Variants in MMUT observed in about 807,000 individuals in gnomAD.
MMUT encodes the protein methylmalonyl-CoA mutase.
MMUT carries 79 observed loss-of-function variants against 79.9 expected under a neutral mutation model. That is an observed-to-expected ratio of 0.99 (90% confidence interval 0.82 to 1.19). MMUT has a LOEUF of 1.19. Among genes scored for constraint, MMUT ranks in the 50% most tolerant of loss-of-function variants. MMUT has a pLI of 0.00. For synonymous variants in MMUT, 273 were observed against 295.7 expected (o/e 0.92, Z 0.79); for missense variants, 860 against 917.2 (o/e 0.94, Z 0.81).
At chr6:49,460,890 T>C (rs1373281850) in intron 1 of MMUT, among the ~76,000 whole-genome samples, 1 of 152,200 alleles carries the variant, frequency 6.6e-6, no homozygotes, top group Non-Finnish European at 1.5e-5. Context: ...TTTAACTACT[T>C]TGGAAAGTAA....
intron 10 of MMUT, among the ~76,000 whole-genome samples, chr6:49,441,283 G>A (rs923707615): frequency 1.3e-5 from 2 of 152,036 alleles, no homozygotes; most frequent in Admixed American, 1.3e-4. Context: ...AATACTGATT[G>A]TAATGTATGC....
At chr6:49,445,785 G>A (rs1395722772) in intron 8 of MMUT, among the ~76,000 whole-genome samples, 3 of 151,742 alleles carry the variant, frequency 2.0e-5, no homozygotes, top group African/African-American at 4.8e-5. Flanking sequence ...TAAATCTATA[G>A]ATGTGGAACC....
Position 49,431,740 on chromosome 6 carries a change from C to T in MMUT, c.2241G>A (p.Gln747=), listed in dbSNP as rs1417030045. The T allele has an allele frequency of 5.0e-6, 8 of 1,613,618 alleles. No individual in the cohort carries two copies. Among genetic ancestry groups the T allele is most frequent in the Admixed American group, 1.7e-5 (1 of 59,984 alleles). The change falls in exon 13 of 13, where the codon CAG becomes CAA. Residue 747 remains glutamine (Q), a synonymous_variant. Transcript: ENST00000274813. ...DDIEKCLEKK[Q]QSV ...CAAAAAGAGGATATTATACAGATTG[C>T]TGCTTCTTTTCCAAACACTTCTCAA...
intron 11 of MMUT, among the ~76,000 whole-genome samples, chr6:49,437,030 C>A (rs763596125): frequency 5.9e-5 from 9 of 151,980 alleles, no homozygotes; most frequent in Non-Finnish European, 8.8e-5. Flanking sequence ...TATAACAAAT[C>A]TACACATGTA....
intron 12 of MMUT, among the ~76,000 whole-genome samples, chr6:49,434,228 C>T (rs1767064328): frequency 1.3e-5 from 2 of 151,982 alleles, no homozygotes. Flanking sequence ...CAAATAATGA[C>T]CTATTTTATG....
In MMUT at chr6:49,440,213, A is replaced by G; in HGVS notation, c.1949T>C (p.Leu650Pro). ...CCCAACAGTTTTTAGTACCTGGAAA[A>G]GAGGGCCTATGTCCACATCAAAACC... is the stretch of plus-strand genomic sequence containing the variant. ...DLGFDVDIGPLFQTPREVAQQ... is the reference protein window; with the variant it reads ...DLGFDVDIGPPFQTPREVAQQ... Residue 650 changes from leucine (L) to proline (P), a missense_variant, in exon 11 of 13, where the codon CTT (leucine) becomes CCT (proline). By Grantham distance (98) the Leu-to-Pro change is moderately conservative. Coordinates refer to ENST00000274813, the MANE Select transcript of MMUT (RefSeq NM_000255.4). 1 of 1,613,938 alleles carries G rather than the reference A, an allele frequency of 6.2e-7. No individual in the cohort carries two copies. The highest frequency in any genetic ancestry group is 1.7e-5 in the Admixed American group (1 of 59,990).
intron 12 of MMUT, among the ~76,000 whole-genome samples, chr6:49,433,158 T>C (rs750208592): frequency 2.0e-5 from 3 of 152,232 alleles, no homozygotes; most frequent in Non-Finnish European, 2.9e-5. Context: ...GAGTAGATGA[T>C]ACAGAGTTTA....
At chr6:49,459,661 C>T (rs1767790699) in intron 1 of MMUT, among the ~76,000 whole-genome samples, 156 bp from the exon 2 acceptor site, 1 of 152,082 alleles carries the variant, frequency 6.6e-6, no homozygotes, top group African/African-American at 2.4e-5. Flanking sequence ...TAACTTTGGC[C>T]CCTCTTCTTC....
intron 8 of MMUT, among the ~76,000 whole-genome samples, chr6:49,446,135 G>C (rs970931065): frequency 1.3e-5 from 2 of 151,716 alleles, no homozygotes; most frequent in Non-Finnish European, 2.9e-5. Flanking sequence ...AAAATTCAGG[G>C]AGTGAAAACA....
Position 49,447,767 on chromosome 6 carries a change from C to T in MMUT, c.1463G>A (p.Gly488Glu). Residue 488 changes from glycine (G) to glutamate (E), a missense_variant, in exon 8 of 13, where the codon GGA becomes GAA. Coordinates refer to ENST00000274813, the MANE Select transcript of MMUT (RefSeq NM_000255.4). ...RIDSGSEVIVGVNKYQLEKED... is the reference protein window; with the variant it reads ...RIDSGSEVIVEVNKYQLEKED... ...TTTTTCCAACTGGTACTTATTTACT[C>T]CAACAATTACTTCAGAACCTGGTAA... 1 of 1,606,308 alleles carries T rather than the reference C, an allele frequency of 6.2e-7. No homozygotes were observed. The highest frequency in any genetic ancestry group is 8.5e-7 in the Non-Finnish European group (1 of 1,173,476).
At position 49,444,728 on chromosome 6, in the gene MMUT, C is replaced by A; in HGVS notation, c.1587G>T (p.Leu529Phe). Residue 529 changes from leucine (L) to phenylalanine (F), a missense_variant, in exon 9 of 13, where the codon TTG (leucine) becomes TTT (phenylalanine). Coordinates refer to ENST00000274813, the MANE Select transcript of MMUT (RefSeq NM_000255.4). Reference protein sequence around the residue: ...KKIKSSRDQALAERCLAALTE... With the variant: ...KKIKSSRDQAFAERCLAALTE... ...TTAGTGCAGCAAGACAACGTTCAGCCAAAGCTTGATCCCTGCTGGATTTGA... is the reference window on the plus strand; with the variant it reads ...TTAGTGCAGCAAGACAACGTTCAGCAAAAGCTTGATCCCTGCTGGATTTGA... 6.2e-7 allele frequency: 1 copy of A among 1,613,178 alleles called. No individual in the cohort carries two copies. Among genetic ancestry groups the A allele is most frequent in the Non-Finnish European group, 8.5e-7 (1 of 1,179,378 alleles).
chr6:49,447,920 T>G (rs943650590), intron 7 of MMUT, 135 bp from the exon 8 acceptor site: 7 of 627,944 alleles, frequency 1.1e-5, no homozygotes, highest in South Asian at 1.9e-5. Flanking sequence ...TCAATATAGA[T>G]CAGCAAATCC....
At chr6:49,433,981 T>C (rs998574770) in intron 12 of MMUT, among the ~76,000 whole-genome samples, 1 of 152,174 alleles carries the variant, frequency 6.6e-6, no homozygotes, top group African/African-American at 2.4e-5. Flanking sequence ...AATTTAAATA[T>C]CCAGAGAATT....
intron 11 of MMUT, among the ~76,000 whole-genome samples, chr6:49,437,172 T>G (rs1402030766): frequency 1.3e-5 from 2 of 152,202 alleles, no homozygotes; most frequent in African/African-American, 2.4e-5. Flanking sequence ...ACTTTTAAAT[T>G]TAATATTCAT....
In MMUT at chr6:49,436,772, C is replaced by T. The variant is rs550869018; in HGVS notation, c.1957-1149G>A. On this transcript the variant is annotated intron_variant, in intron 11 of 12. Coordinates refer to ENST00000274813, the MANE Select transcript of MMUT (RefSeq NM_000255.4). ...TGCAGCCAGAAAAAAAGAATGAGATCGTGTCCTTTGCAGGAACATGGATGA... is the reference window on the plus strand; with the variant it reads ...TGCAGCCAGAAAAAAAGAATGAGATTGTGTCCTTTGCAGGAACATGGATGA... 1.2e-4 allele frequency among the ~76,000 whole-genome samples: 19 copies of T among 152,222 alleles called. No individual in the cohort carries two copies. The East Asian group carries it at 2.7e-3, about 22-fold the overall frequency.
intron 9 of MMUT, 108 bp from the exon 10 acceptor site, chr6:49,442,079 T>A: frequency 1.7e-6 from 2 of 1,204,774 alleles, no homozygotes; most frequent in East Asian, 2.8e-5. Context: ...AGTAAATGAC[T>A]GTAAAAATGT....
At chr6:49,450,203 C>T (rs1488163695) in intron 6 of MMUT, among the ~76,000 whole-genome samples, 3 of 149,672 alleles carry the variant, frequency 2.0e-5, no homozygotes, top group African/African-American at 7.4e-5. Flanking sequence ...TGCACTCCAG[C>T]CTGGTGACAG....
At chr6:49,452,944 A>C (rs1282191055) in intron 5 of MMUT, among the ~76,000 whole-genome samples, 3 of 151,792 alleles carry the variant, frequency 2.0e-5, no homozygotes, top group Non-Finnish European at 4.4e-5. Flanking sequence ...AGGCAGTTTT[A>C]TGTTAAGAAT....
Position 49,451,552 on chromosome 6 carries a change from A to G in MMUT, c.1246T>C (p.Ser416Pro), listed in dbSNP as rs781071952. 1 of 1,614,154 alleles carries G rather than the reference A, an allele frequency of 6.2e-7. No homozygotes were observed. The highest frequency in any genetic ancestry group is 8.5e-7 in the Non-Finnish European group (1 of 1,180,016). The change falls in exon 6 of 13, where the codon TCT (serine) becomes CCT (proline). Residue 416 changes from serine (S) to proline (P), a missense_variant. Physicochemically the swap from Ser to Pro is moderately conservative, Grantham distance 74 (BLOSUM62 -1). Transcript: ENST00000274813. ...RNTQIIIQEESGIPKVADPWG... is the reference protein window; with the variant it reads ...RNTQIIIQEEPGIPKVADPWG... ...GGATCAGCCACTTTGGGAATCCCAGATTCTTCTTGAATGATGATTTGTGTG... is the reference window on the plus strand; with the variant it reads ...GGATCAGCCACTTTGGGAATCCCAGGTTCTTCTTGAATGATGATTTGTGTG...
Sources: gnomAD v4.1 joint callset for allele counts (sites outside exome capture counted in the v4.1 genomes callset) on GRCh38, gnomAD v4.1.1 for gene constraint, MANE v1.5 for transcripts, NCBI Gene and HGNC (gene_info 2026-07-23, HGNC 2026-07-21) for gene names.